The following NOL10 variants were observed in gnomAD, a reference collection of about 807,000 sequenced individuals.
NOL10 encodes nucleolar protein 10.
Under a neutral mutation model 103.5 loss-of-function variants are expected in NOL10, and 58 were observed. The ratio of observed to expected loss-of-function variants is 0.56; its 90% CI spans 0.45 to 0.70. The LOEUF (loss-of-function observed/expected upper bound fraction) is 0.70, where lower values mean the gene tolerates loss of function less well. NOL10 is among the 30% of genes least tolerant of loss of function. The pLI, the probability that NOL10 is intolerant of heterozygous loss-of-function variation, is 0.00. For missense variants in NOL10, 763 were observed against 807.3 expected (o/e 0.95, Z 0.67); for synonymous variants, 287 against 282.5 (o/e 1.02, Z -0.16).
chr2:10,586,628 C>T (rs1675034358), intron 19 of NOL10, among the ~76,000 whole-genome samples: 1 of 152,136 alleles, frequency 6.6e-6, no homozygotes, highest in Admixed American at 6.5e-5. Context: ...ACTTCCTCCT[C>T]TTCTGACTCT....
chr2:10,684,595 C>A lies in NOL10; in HGVS notation c.84G>T (p.Lys28Asn). 1 of 1,572,600 alleles carries A rather than the reference C, an allele frequency of 6.4e-7. No individual in the cohort carries two copies. Among genetic ancestry groups the A allele is most frequent in the Non-Finnish European group, 8.6e-7 (1 of 1,157,546 alleles). ...CATCTTTCTTCTGTAGCGCTCTCTT[C>A]TTCCTATCAGAAAGCCACTTAAAGA... ...KSLPEWLSDR[K>N]KRALQKKDVD... is the part of the protein sequence containing the mutation. Residue 28 changes from lysine (K) to asparagine (N), a missense_variant, in exon 2 of 21, where the codon AAG becomes AAT. Transcript: ENST00000381685.
chr2:10,665,897 T>A (rs1680535748), intron 8 of NOL10, among the ~76,000 whole-genome samples: 1 of 152,186 alleles, frequency 6.6e-6, no homozygotes, highest in Non-Finnish European at 1.5e-5. Flanking sequence ...AACTTCAACT[T>A]CTTTGTTAGA....
intron 20 of NOL10, among the ~76,000 whole-genome samples, chr2:10,573,155 C>T (rs116499591): frequency 0.037 from 5,645 of 151,926 alleles, 207 homozygotes; most frequent in African/African-American, 0.094. Flanking sequence ...CGGAAAAGCA[C>T]CGTCTTATGG....
intron 5 of NOL10, 23 bp downstream of exon 5, chr2:10,673,497 C>T: frequency 6.5e-7 from 1 of 1,546,256 alleles, no homozygotes; most frequent in Non-Finnish European, 8.8e-7. Context: ...CTAGTCAGTA[C>T]AAACCAATGC....
intron 20 of NOL10, among the ~76,000 whole-genome samples, chr2:10,573,888 G>A (rs1269835173): frequency 2.6e-5 from 4 of 152,100 alleles, no homozygotes; most frequent in African/African-American, 9.7e-5. Context: ...TGGCCACCAC[G>A]GAGCTGCCTT....
chr2:10,684,345 C>A (rs1369322729), intron 2 of NOL10, among the ~76,000 whole-genome samples: 2 of 151,580 alleles, frequency 1.3e-5, no homozygotes, highest in Non-Finnish European at 2.9e-5. Context: ...CTTTGGGAGG[C>A]CAAGGTGGGA....
intron 8 of NOL10, among the ~76,000 whole-genome samples, chr2:10,666,882 T>C (rs1033168784): frequency 2.0e-5 from 3 of 152,180 alleles, no homozygotes; most frequent in African/African-American, 7.2e-5. Context: ...ATTTGGTGAC[T>C]GGAAGGTATA....
At chr2:10,611,219 A>AAATGGAAATACTTGATTCTAT (rs1476054295) in intron 13 of NOL10, among the ~76,000 whole-genome samples, 1 of 152,224 alleles carries the variant, frequency 6.6e-6, no homozygotes, top group Non-Finnish European at 1.5e-5. Flanking sequence ...CAACCAATCT[A>AAATGGAAATACTTGATTCTAT]AATGGAAATA....
At chr2:10,686,139 A>G (rs1417165629) in intron 1 of NOL10, among the ~76,000 whole-genome samples, 2 of 152,236 alleles carry the variant, frequency 1.3e-5, no homozygotes, top group Admixed American at 1.3e-4. Context: ...CCAACAAATA[A>G]GGAAGTAAAA....
rs750726711 is a variant in NOL10 at position 10,589,570 on chromosome 2, T to C, written c.1596+8A>G. 6.5e-7 allele frequency: 1 copy of C among 1,549,192 alleles called. No individual in the cohort carries two copies. Among genetic ancestry groups the C allele is most frequent in the Non-Finnish European group, 8.7e-7 (1 of 1,152,198 alleles). ...GTAGCAAATTCTAACTGATAAGGAG[T>C]ACATTACTTTTTCACGAAGTTCTTG... On this transcript the variant is annotated splice_region_variant and intron_variant, in intron 18 of 20. Coordinates refer to ENST00000381685, the MANE Select transcript of NOL10 (RefSeq NM_024894.4).
chr2:10,589,877 T>C (rs1181602400), intron 17 of NOL10, 126 bp from the exon 18 acceptor site: 4 of 541,380 alleles, frequency 7.4e-6, no homozygotes, highest in Non-Finnish European at 1.2e-5. Flanking sequence ...CATTATTAAC[T>C]CATTATGAAA....
chr2:10,637,188 C>CAAAAAAAAAAAAAAAA (rs61693251), intron 13 of NOL10, among the ~76,000 whole-genome samples: 2 of 44,532 alleles, frequency 4.5e-5, no homozygotes, highest in Non-Finnish European at 8.0e-5. Context: ...GACACTGTCT[C>CAAAAAAAAAAAAAAAA]AAAAAAAAAA....
chr2:10,593,232 G>A (rs1411530598), intron 17 of NOL10, among the ~76,000 whole-genome samples: 3 of 151,004 alleles, frequency 2.0e-5, no homozygotes, highest in South Asian at 2.1e-4. Flanking sequence ...TCTGCCTCCC[G>A]GGTTCAAGCG....
intron 9 of NOL10, among the ~76,000 whole-genome samples, chr2:10,661,399 T>G (rs1384334075): frequency 3.4e-5 from 5 of 148,948 alleles, no homozygotes; most frequent in Non-Finnish European, 7.4e-5. Context: ...TGAGATGGAG[T>G]CTCACTCTGT....
chr2:10,582,523 T>C (rs1674815311), intron 19 of NOL10, among the ~76,000 whole-genome samples: 1 of 152,170 alleles, frequency 6.6e-6, no homozygotes. Flanking sequence ...TCCTATACCT[T>C]GCAGGTCATG....
In NOL10 at chr2:10,607,234, T is replaced by G. The variant is rs377259861; in HGVS notation, c.1104A>C (p.Thr368=). 2 of 1,608,676 alleles carry G rather than the reference T, an allele frequency of 1.2e-6. No individual in the cohort carries two copies. The highest frequency in any genetic ancestry group is 1.3e-5 in the African/African-American group (1 of 74,932). Residue 368 remains threonine, a synonymous_variant, in exon 14 of 21, where the codon ACA becomes ACC. Coordinates refer to ENST00000381685, the MANE Select transcript of NOL10 (RefSeq NM_024894.4). ...TGACAAATTTATAATCATCATAGAC[T>G]GTGCTTTCTGGATTCTCTTCTAATT... ...TEELEENPES[T]VYDDYKFVTK...
rs147656081 is a variant in NOL10, at chr2:10,582,928, T to A, written c.1845-5190A>T. Among the ~76,000 whole-genome samples the A allele has an allele frequency of 4.6e-3, 707 of 152,348 alleles. 9 individuals carry two copies. Among genetic ancestry groups the A allele is most frequent in the African/African-American group, 0.016 (659 of 41,578 alleles). Reference sequence around the variant, plus strand: ...TCTTGAAAGACTCACCGACACTAACTGTTTACTGTGTTTTCTATCTCCCAG... The same window carrying A: ...TCTTGAAAGACTCACCGACACTAACAGTTTACTGTGTTTTCTATCTCCCAG... On this transcript the variant is annotated intron_variant, in intron 19 of 20. Transcript: ENST00000381685.
At chr2:10,625,228 C>G (rs1044000195) in intron 13 of NOL10, among the ~76,000 whole-genome samples, 36 of 152,068 alleles carry the variant, frequency 2.4e-4, no homozygotes, top group Non-Finnish European at 8.8e-5. Flanking sequence ...TCAAAACCCA[C>G]AGAATGTACA....
intron 17 of NOL10, among the ~76,000 whole-genome samples, chr2:10,592,922 A>C (rs1675465846): frequency 6.6e-6 from 1 of 152,184 alleles, no homozygotes; most frequent in Non-Finnish European, 1.5e-5. Context: ...ATAGGAGCTT[A>C]CAAGTGTCTG....
Sources: allele counts gnomAD v4.1 joint callset (sites outside exome capture counted in the v4.1 genomes callset), GRCh38; gene constraint gnomAD v4.1.1; transcripts MANE v1.5; gene names NCBI Gene and HGNC (gene_info 2026-07-23, HGNC 2026-07-21).